The following EHMT1 variants were observed in gnomAD, a reference collection of about 807,000 sequenced individuals.
EHMT1 encodes the protein histone-lysine N-methyltransferase EHMT1.
Under a neutral mutation model 147.2 loss-of-function variants are expected in EHMT1, and 15 were observed. The observed-to-expected ratio is 0.10, with a 90% confidence interval of 0.07 to 0.16. EHMT1 has a LOEUF of 0.16. Ranked by LOEUF, EHMT1 falls within the 10% of genes least tolerant of loss-of-function variation. The probability of loss-of-function intolerance (pLI) is 1.00; values close to 1 mark genes in which losing one functional copy is unlikely to be tolerated. For synonymous variants in EHMT1, 795 were observed against 709.6 expected (o/e 1.12, Z -1.91); for missense variants, 1,587 against 1,772.4 (o/e 0.90, Z 1.88).
At chr9:137,829,691 G>C (rs1052309010) in intron 25 of EHMT1, among the ~76,000 whole-genome samples, 1 of 152,268 alleles carries the variant, frequency 6.6e-6, no homozygotes, top group Non-Finnish European at 1.5e-5. Flanking sequence ...GCCTATGGGG[G>C]AGACTGGCCA....
chr9:137,634,381 G>A (rs1843828390), intron 1 of EHMT1, among the ~76,000 whole-genome samples: 1 of 152,160 alleles, frequency 6.6e-6, no homozygotes, highest in African/African-American at 2.4e-5. Context: ...GCTCAGCAGC[G>A]TTTGTTGAAA....
At chr9:137,741,178 G>T (rs1247435909) in intron 4 of EHMT1, among the ~76,000 whole-genome samples, 1 of 151,992 alleles carries the variant, frequency 6.6e-6, no homozygotes, top group Non-Finnish European at 1.5e-5. Flanking sequence ...GGGTTTCACT[G>T]TGTTAGCCAG....
intron 1 of EHMT1, among the ~76,000 whole-genome samples, chr9:137,667,834 T>C (rs1030479105): frequency 1.2e-4 from 18 of 152,190 alleles, no homozygotes; most frequent in African/African-American, 4.1e-4. Flanking sequence ...TTTTGACATC[T>C]GAAATCTTAT....
intron 25 of EHMT1, among the ~76,000 whole-genome samples, chr9:137,823,162 A>C (rs1173156615): frequency 7.0e-6 from 1 of 143,778 alleles, no homozygotes; most frequent in Non-Finnish European, 1.5e-5. Context: ...GCAGTGACGC[A>C]GTCTCGGCTC....
At chr9:137,803,183 A>C (rs1953649189) in intron 18 of EHMT1, 1 of 1,210,668 alleles carries the variant, frequency 8.3e-7, no homozygotes, top group Admixed American at 4.3e-5. Flanking sequence ...TTAAATTTCA[A>C]GTTTGTTATT....
At chr9:137,727,820 A>C (rs982826728) in intron 3 of EHMT1, among the ~76,000 whole-genome samples, 1 of 152,264 alleles carries the variant, frequency 6.6e-6, no homozygotes, top group African/African-American at 2.4e-5. Context: ...ACTGAGACTG[A>C]GTAAAATACC....
chr9:137,743,948 G>T lies in EHMT1; in HGVS notation c.1028G>T (p.Ser343Ile). 1.2e-6 allele frequency: 2 copies of T among 1,613,774 alleles called. No homozygotes were observed. Among genetic ancestry groups the T allele is most frequent in the Non-Finnish European group, 1.7e-6 (2 of 1,179,912 alleles). ...GASSLHVNGE[S>I]LEMDSDEDDS... ...AGCAGCCTGCACGTGAATGGGGAGAGCCTGGAGATGGACTCGGATGAGGAC... is the reference window on the plus strand; with the variant it reads ...AGCAGCCTGCACGTGAATGGGGAGATCCTGGAGATGGACTCGGATGAGGAC... Residue 343 changes from serine (S) to isoleucine (I), a missense_variant, in exon 6 of 27, where the codon AGC (serine) becomes ATC (isoleucine). Physicochemically the swap from Ser to Ile is moderately radical, Grantham distance 142 (BLOSUM62 -2). This residue lies in a region of EHMT1 where 810 missense variants were observed against 673.0 expected (regional missense o/e 1.20). Coordinates refer to ENST00000460843, the MANE Select transcript of EHMT1 (RefSeq NM_024757.5).
chr9:137,810,460 C>G (rs553219417), intron 18 of EHMT1, among the ~76,000 whole-genome samples: 1 of 152,310 alleles, frequency 6.6e-6, no homozygotes, highest in South Asian at 2.1e-4. Context: ...GTTAGGGATA[C>G]TTCATTGTTC....
chr9:137,783,905 T>A (rs775699160), intron 15 of EHMT1, among the ~76,000 whole-genome samples: 4 of 152,260 alleles, frequency 2.6e-5, no homozygotes, highest in Non-Finnish European at 5.9e-5. Context: ...TTTGGATATA[T>A]GTATTTTAAA....
intron 1 of EHMT1, among the ~76,000 whole-genome samples, chr9:137,646,656 C>T (rs981610632): frequency 6.6e-6 from 1 of 152,210 alleles, no homozygotes; most frequent in African/African-American, 2.4e-5. Flanking sequence ...GTTGTTTTCA[C>T]ATCTCGCAAG....
At chr9:137,685,339 A>AG (rs1216151691) in intron 1 of EHMT1, 1 of 152,174 alleles carries the variant, frequency 6.6e-6, no homozygotes, top group Non-Finnish European at 1.5e-5. Context: ...ATTTCATGTA[A>AG]GTGGAATTAT....
intron 25 of EHMT1, among the ~76,000 whole-genome samples, chr9:137,826,812 C>T (rs994993316): frequency 1.3e-5 from 2 of 152,224 alleles, no homozygotes; most frequent in Non-Finnish European, 2.9e-5. Context: ...CTCCTGCTCA[C>T]CTAGGGCCGC....
chr9:137,631,074 A>G (rs1843595653), intron 1 of EHMT1, among the ~76,000 whole-genome samples: 1 of 152,136 alleles, frequency 6.6e-6, no homozygotes, highest in Non-Finnish European at 1.5e-5. Flanking sequence ...CATATAGGAC[A>G]GTTACATGGT....
chr9:137,811,392 C>T, intron 18 of EHMT1, 69 bp from the exon 19 acceptor site: 2 of 1,602,992 alleles, frequency 1.2e-6, no homozygotes, highest in South Asian at 2.2e-5. Flanking sequence ...GCTGCAGCTG[C>T]TGTGGCCCAG....
intron 1 of EHMT1, among the ~76,000 whole-genome samples, chr9:137,664,088 G>C (rs1399360651): frequency 6.6e-6 from 1 of 151,912 alleles, no homozygotes; most frequent in Non-Finnish European, 1.5e-5. Context: ...TTTGTTTCAA[G>C]AGATGGAGTT....
At chr9:137,736,970 C>T (rs1048160736) in intron 4 of EHMT1, among the ~76,000 whole-genome samples, 9 of 151,784 alleles carry the variant, frequency 5.9e-5, no homozygotes, top group South Asian at 2.1e-4. Context: ...TGAGAGGCCA[C>T]GGTGAGCTGG....
rs1261696047 is a variant in EHMT1 at position 137,767,443 on chromosome 9, G to T, written c.1647+4623G>T. The stretch of plus-strand genomic sequence containing the variant: ...GAGTATCACTTACTCAAAATGCTTG[G>T]GACCAGAAGTGTTTTGGATTTCATT... On this transcript the variant is annotated intron_variant, in intron 10 of 26. Coordinates refer to ENST00000460843, the MANE Select transcript of EHMT1 (RefSeq NM_024757.5). Among the ~76,000 whole-genome samples the T allele has an allele frequency of 2.0e-5, 3 of 152,162 alleles. No homozygotes were observed. In the East Asian group the frequency reaches 5.8e-4, roughly 29 times the overall value.
chr9:137,646,703 G>C (rs1377550515), intron 1 of EHMT1, among the ~76,000 whole-genome samples: 1 of 152,240 alleles, frequency 6.6e-6, no homozygotes, highest in East Asian at 1.9e-4. Flanking sequence ...CGAATTGGAG[G>C]CTGGGTTTGA....
chr9:137,656,285 C>T (rs1938438295), intron 1 of EHMT1, among the ~76,000 whole-genome samples: 1 of 152,182 alleles, frequency 6.6e-6, no homozygotes, highest in South Asian at 2.1e-4. Flanking sequence ...GAGGCTGAGG[C>T]AGGAGAATCA....
Sources: allele counts gnomAD v4.1 joint callset (sites outside exome capture counted in the v4.1 genomes callset), GRCh38; gene constraint gnomAD v4.1.1; regional missense constraint gnomAD v4.1.1; transcripts MANE v1.5; gene names NCBI Gene and HGNC (gene_info 2026-07-23, HGNC 2026-07-21).